The following SLC47A1 variants were observed in gnomAD, a reference collection of about 807,000 sequenced individuals.
SLC47A1 encodes the protein solute carrier family 47 member 1.
Under a neutral mutation model 65.8 loss-of-function variants are expected in SLC47A1, and 58 were observed. The ratio of observed to expected loss-of-function variants is 0.88; its 90% confidence interval spans 0.71 to 1.10. SLC47A1 has a LOEUF of 1.10. Among genes scored for constraint, SLC47A1 ranks in the 50% least tolerant of loss-of-function variants. The pLI is 0.00. For missense variants in SLC47A1, 706 were observed against 719.2 expected, an observed-to-expected ratio of 0.98 and a Z score of 0.21; for synonymous variants, 285 against 295.0, an observed-to-expected ratio of 0.97 and a Z score of 0.35.
chr17:19,546,310 GT>G (rs1916289741), intron 2 of SLC47A1, 124 bp from the exon 3 acceptor site: 19 of 906,098 alleles, frequency 2.1e-5, no homozygotes, highest in Non-Finnish European at 3.1e-5. Context: ...AGCTAACAAA[GT>G]TGGTAAAATT....
rs2084364139 is a variant in SLC47A1 at position 19,567,079 on chromosome 17, A to G, written c.1177-17A>G. 6.2e-7 allele frequency: 1 copy of G among 1,614,168 alleles called. No individual in the cohort carries two copies. Among genetic ancestry groups the G allele is most frequent in the Non-Finnish European group, 8.5e-7 (1 of 1,180,014 alleles). ...CGCCGGATGTGTTCACAGTGATGGAATGCTCTCTGCCTGCAGTGCACGAGT... is the reference window on the plus strand; with the variant it reads ...CGCCGGATGTGTTCACAGTGATGGAGTGCTCTCTGCCTGCAGTGCACGAGT... On this transcript the variant is annotated splice_polypyrimidine_tract_variant and intron_variant, in intron 13 of 16. Coordinates refer to ENST00000270570, the MANE Select transcript of SLC47A1 (RefSeq NM_018242.3).
rs981543714 is a variant in SLC47A1 at position 19,577,843 on chromosome 17, C to A, written c.*290C>A. ...GCATTGGCCAATGGCTTTGATACTT[C>A]TGCTATTTTTTTAGACACAAACCCA... On this transcript the variant is annotated 3_prime_UTR_variant, in exon 17 of 17. Coordinates refer to ENST00000270570, the MANE Select transcript of SLC47A1 (RefSeq NM_018242.3). 1.6e-5 allele frequency: 21 copies of A among 1,279,796 alleles called. No homozygotes were observed. Among genetic ancestry groups the A allele is most frequent in the Non-Finnish European group, 2.0e-5 (20 of 1,003,446 alleles). The allele number at this position is 1,279,796 out of a possible 1,614,324, so 79.3% of individuals were successfully genotyped here.
intron 9 of SLC47A1, 23 bp from the exon 10 acceptor site, chr17:19,555,972 C>T (rs754652642): frequency 9.9e-6 from 16 of 1,614,010 alleles, no homozygotes; most frequent in African/African-American, 6.7e-5. Context: ...GGGTGCAAGG[C>T]GACAGCTGTC....
chr17:19,562,366 C>T lies in SLC47A1; in HGVS notation c.1106+1873C>T, dbSNP rs543439236. 2.0e-5 allele frequency among the ~76,000 whole-genome samples: 3 copies of T among 152,070 alleles called. No individual in the cohort carries two copies. In the South Asian group the frequency reaches 6.2e-4, roughly 32 times the overall value. The stretch of plus-strand genomic sequence containing the variant: ...TTGCCTGAGTTTAGGAGTTCAAGAC[C>T]AGCTGGTCGACATGGGGAAACCCTG... On this transcript the variant is annotated intron_variant, in intron 12 of 16. Coordinates refer to ENST00000270570, the MANE Select transcript of SLC47A1 (RefSeq NM_018242.3).
chr17:19,569,945 T>C (rs559423233), intron 14 of SLC47A1, among the ~76,000 whole-genome samples: 2 of 152,276 alleles, frequency 1.3e-5, no homozygotes, highest in Admixed American at 1.3e-4. Flanking sequence ...GCACCAACTA[T>C]ACTATTCTAA....
chr17:19,575,841 G>A (rs2084435619), intron 16 of SLC47A1, among the ~76,000 whole-genome samples: 1 of 152,154 alleles, frequency 6.6e-6, no homozygotes, highest in Non-Finnish European at 1.5e-5. Flanking sequence ...TAAGGCCGAT[G>A]AATAAGAGAA....
chr17:19,554,419 C>T (rs569437417), intron 6 of SLC47A1, among the ~76,000 whole-genome samples: 36 of 152,224 alleles, frequency 2.4e-4, no homozygotes, highest in Admixed American at 3.3e-4. Context: ...AGCCTCCACG[C>T]GAGAGTGGGG....
intron 10 of SLC47A1, among the ~76,000 whole-genome samples, chr17:19,558,753 TTTGA>T (rs1473524509): frequency 6.6e-6 from 1 of 152,206 alleles, no homozygotes; most frequent in Non-Finnish European, 1.5e-5. Flanking sequence ...CAGTATTAAC[TTTGA>T]TTGCTTGGTT....
intron 12 of SLC47A1, among the ~76,000 whole-genome samples, chr17:19,566,063 G>T (rs1004066854): frequency 1.8e-4 from 28 of 152,108 alleles, no homozygotes; most frequent in Non-Finnish European, 7.3e-5. Context: ...GACTGTTTTG[G>T]TATCACAGTG....
At chr17:19,568,180 A>G (rs1242678820) in intron 14 of SLC47A1, 1 of 152,186 alleles carries the variant, frequency 6.6e-6, no homozygotes, top group Non-Finnish European at 1.5e-5. Context: ...TGAGAAGTCA[A>G]CTGATACCTA....
Position 19,566,816 on chromosome 17 carries a change from T to G in SLC47A1, c.1133T>G (p.Val378Gly). 6.2e-7 allele frequency: 1 copy of G among 1,614,176 alleles called. No individual in the cohort carries two copies. The highest frequency in any genetic ancestry group is 8.5e-7 in the Non-Finnish European group (1 of 1,180,014). Reference sequence around the variant, plus strand: ...GACATCATTAATCTGGTGGCTCAGGTGGTTCCAATTTATGCTGTTTCCCAC... The same window carrying G: ...GACATCATTAATCTGGTGGCTCAGGGGGTTCCAATTTATGCTGTTTCCCAC... ...DRDIINLVAQVVPIYAVSHLF... is the reference protein window; with the variant it reads ...DRDIINLVAQGVPIYAVSHLF... The change falls in exon 13 of 17, where the codon GTG becomes GGG. Residue 378 changes from valine to glycine, a missense_variant. Coordinates refer to ENST00000270570, the MANE Select transcript of SLC47A1 (RefSeq NM_018242.3).
intron 5 of SLC47A1, 132 bp downstream of exon 5, chr17:19,549,809 G>A: frequency 1.0e-6 from 1 of 971,504 alleles, no homozygotes; most frequent in Non-Finnish European, 1.6e-6. Context: ...CTTCAAGGAA[G>A]CCTGTTTTTA....
chr17:19,554,645 G>A (rs61571884), intron 6 of SLC47A1, among the ~76,000 whole-genome samples: 1 of 152,172 alleles, frequency 6.6e-6, no homozygotes, highest in East Asian at 1.9e-4. Context: ...ATGCGGGGCA[G>A]GACAGAGTTT....
Position 19,571,533 on chromosome 17 carries a change from CT to C in SLC47A1, c.1368del (p.Phe456LeufsTer5). The C allele has an allele frequency of 8.7e-6, 14 of 1,614,030 alleles. No individual in the cohort carries two copies. Among genetic ancestry groups the C allele is most frequent in the Non-Finnish European group, 1.2e-5 (14 of 1,179,986 alleles). ...TCTTTCAAGCTGTGTGTTTTCTAGGCTTTATTATTCAGCTAAATTGGAAAAA... is the reference window on the plus strand; with the variant it reads ...TCTTTCAAGCTGTGTGTTTTCTAGGCTTATTATTCAGCTAAATTGGAAAAA... ...TVFQAVCFLG[F>X]IIQLNWKKAC... On this transcript the variant is annotated frameshift_variant, in exon 15 of 17. Transcript: ENST00000270570. LOFTEE classifies it high-confidence loss of function.
At position 19,542,449 on chromosome 17, in the gene SLC47A1, C is replaced by T. The variant is rs1349526032; in HGVS notation, c.192C>T (p.Gly64=). The change falls in exon 2 of 17, where the codon GGC becomes GGT. Residue 64 remains glycine, a synonymous_variant. Coordinates refer to ENST00000270570, the MANE Select transcript of SLC47A1 (RefSeq NM_018242.3). ...GCTTCATAAGCTCCGTGTTCTGTGGCCACCTGGGCAAGCTGGAGCTGGATG... is the reference window on the plus strand; with the variant it reads ...GCTTCATAAGCTCCGTGTTCTGTGGTCACCTGGGCAAGCTGGAGCTGGATG... ...LISFISSVFC[G]HLGKLELDAV... is the part of the protein sequence containing the mutation. 3 of 1,612,416 alleles carry T rather than the reference C, an allele frequency of 1.9e-6. No individual in the cohort carries two copies. Among genetic ancestry groups the T allele is most frequent in the East Asian group, 2.2e-5 (1 of 44,764 alleles).
At chr17:19,544,177 C>G (rs1185014614) in intron 2 of SLC47A1, among the ~76,000 whole-genome samples, 2 of 152,172 alleles carry the variant, frequency 1.3e-5, no homozygotes, top group Admixed American at 1.3e-4. Context: ...AACTCCTGAC[C>G]TCGTGATCTG....
chr17:19,537,558 C>T (rs778846690), intron 1 of SLC47A1, among the ~76,000 whole-genome samples: 5 of 152,328 alleles, frequency 3.3e-5, no homozygotes, highest in East Asian at 1.9e-4. Context: ...GGGTGAGGTC[C>T]GGCCCCCACG....
intron 6 of SLC47A1, among the ~76,000 whole-genome samples, chr17:19,552,601 G>A (rs1597500228): frequency 6.6e-6 from 1 of 152,216 alleles, no homozygotes; most frequent in South Asian, 2.1e-4. Context: ...AGGACAATGA[G>A]TGTGAAAGTC....
intron 1 of SLC47A1, chr17:19,534,307 G>C: frequency 2.1e-6 from 1 of 481,424 alleles, no homozygotes; most frequent in Non-Finnish European, 3.5e-6. Context: ...CTGCGGGAAC[G>C]GCTGGTACGC....
Sources: gnomAD v4.1 joint callset for allele counts (sites outside exome capture counted in the v4.1 genomes callset) on GRCh38, gnomAD v4.1.1 for gene constraint, MANE v1.5 for transcripts, NCBI Gene and HGNC (gene_info 2026-07-23, HGNC 2026-07-21) for gene names.